STK39: variants seen among roughly 807,000 people sequenced by gnomAD.
STK39 encodes the protein serine/threonine kinase 39, also known as STE20/SPS1-related proline-alanine-rich protein kinase.
A neutral mutation model predicts 77.8 loss-of-function variants in STK39; 20 were observed. The observed-to-expected ratio is 0.26, with a 90% CI of 0.18 to 0.37. The LOEUF (loss-of-function observed/expected upper bound fraction) is 0.37. Among genes scored for constraint, STK39 ranks in the 10% least tolerant of loss-of-function variants. The pLI is 1.00. For missense variants in STK39, 479 were observed against 656.5 expected (o/e 0.73, Z 2.95); for synonymous variants, 246 against 234.1 (o/e 1.05, Z -0.47).
chr2:168,227,067 GAAGTA>G (rs1254801297), intron 1 of STK39, among the ~76,000 whole-genome samples: 8 of 152,056 alleles, frequency 5.3e-5, no homozygotes, highest in Non-Finnish European at 1.2e-4. Flanking sequence ...AAAATATACA[GAAGTA>G]AAATACCCAA....
At chr2:168,227,676 TATTTA>T (rs1348609079) in intron 1 of STK39, among the ~76,000 whole-genome samples, 1 of 152,148 alleles carries the variant, frequency 6.6e-6, no homozygotes, top group Non-Finnish European at 1.5e-5. Context: ...TTTTCTTTTT[TATTTA>T]TTTATTTTTT....
At chr2:168,050,591 G>A (rs1183801248) in intron 14 of STK39, among the ~76,000 whole-genome samples, 1 of 152,182 alleles carries the variant, frequency 6.6e-6, no homozygotes, top group Non-Finnish European at 1.5e-5. Context: ...GAGATGTTAA[G>A]CTGCTGGCTT....
chr2:168,090,058 G>A (rs564255459), intron 10 of STK39, among the ~76,000 whole-genome samples: 69 of 152,260 alleles, frequency 4.5e-4, no homozygotes, highest in African/African-American at 1.5e-3. Flanking sequence ...ATTCCTCTCC[G>A]AGGTAGCTGA....
chr2:167,999,750 C>T lies in STK39; in HGVS notation c.1498+12884G>A, dbSNP rs112403180. Among the ~76,000 whole-genome samples the T allele has an allele frequency of 8.7e-4, 132 of 152,354 alleles. 1 individual carries two copies. Among genetic ancestry groups the T allele is most frequent in the African/African-American group, 3.0e-3 (126 of 41,586 alleles). ...GTGCTGGGATTACAGGCATGAACCACTGCGCCCGGCCCGAGATGCTTGCTT... is the reference window on the plus strand; with the variant it reads ...GTGCTGGGATTACAGGCATGAACCATTGCGCCCGGCCCGAGATGCTTGCTT... On this transcript the variant is annotated intron_variant, in intron 16 of 17. Transcript: ENST00000355999.
chr2:168,086,253 C>G (rs145291699), intron 10 of STK39, among the ~76,000 whole-genome samples: 2,258 of 152,164 alleles, frequency 0.015, 50 homozygotes, highest in African/African-American at 0.052. Context: ...CAGACTCTAC[C>G]ACACACTTTA....
intron 1 of STK39, 57 bp downstream of exon 1, chr2:168,247,171 T>C (rs1268999614): frequency 2.0e-6 from 2 of 1,013,534 alleles, no homozygotes; most frequent in Non-Finnish European, 1.2e-6. Flanking sequence ...CCGCGCCCCC[T>C]CCCGCCCGGC....
At chr2:168,143,153 G>C (rs1688039655) in intron 5 of STK39, among the ~76,000 whole-genome samples, 1 of 152,114 alleles carries the variant, frequency 6.6e-6, no homozygotes, top group Non-Finnish European at 1.5e-5. Flanking sequence ...CTGCCTCCAG[G>C]AATAACTGGA....
chr2:168,119,281 TTG>T (rs1224391234), intron 10 of STK39, among the ~76,000 whole-genome samples: 1 of 152,134 alleles, frequency 6.6e-6, no homozygotes, highest in East Asian at 1.9e-4. Flanking sequence ...ACTGTTATTA[TTG>T]TACATGTTGA....
chr2:168,016,997 C>T, intron 15 of STK39, 46 bp downstream of exon 15: 1 of 1,457,726 alleles, frequency 6.9e-7, no homozygotes, highest in South Asian at 1.2e-5. Context: ...TCAATTTCTG[C>T]AATGCTCTTT....
chr2:168,217,897 T>C (rs1046679306), intron 1 of STK39, among the ~76,000 whole-genome samples: 6 of 152,094 alleles, frequency 3.9e-5, no homozygotes, highest in Admixed American at 6.6e-5. Flanking sequence ...CCTAGAAACA[T>C]AGTCTCCTAT....
At chr2:168,174,967 C>T (rs997278241) in intron 2 of STK39, among the ~76,000 whole-genome samples, 1 of 151,992 alleles carries the variant, frequency 6.6e-6, no homozygotes, top group African/African-American at 2.4e-5. Flanking sequence ...TTCACCACCA[C>T]ACAGTGACAA....
chr2:168,075,989 T>C (rs955711683), intron 10 of STK39, among the ~76,000 whole-genome samples: 3 of 152,102 alleles, frequency 2.0e-5, no homozygotes, highest in African/African-American at 7.2e-5. Context: ...CCAAATGTCT[T>C]TGTGGTTGGA....
At chr2:168,164,855 C>A (rs1009198671) in intron 3 of STK39, among the ~76,000 whole-genome samples, 1 of 152,150 alleles carries the variant, frequency 6.6e-6, no homozygotes, top group Admixed American at 6.5e-5. Flanking sequence ...ATTCCAAACC[C>A]CTGGGTCAGT....
At chr2:168,172,437 C>CTTGT (rs1198728476) in intron 2 of STK39, among the ~76,000 whole-genome samples, 1 of 152,140 alleles carries the variant, frequency 6.6e-6, no homozygotes, top group East Asian at 1.9e-4. Flanking sequence ...CTAATTTCAC[C>CTTGT]CTGTATTTAA....
chr2:168,245,179 T>G (rs534432159), intron 1 of STK39, among the ~76,000 whole-genome samples: 2 of 152,224 alleles, frequency 1.3e-5, no homozygotes, highest in Non-Finnish European at 2.9e-5. Context: ...AAGGCAACAG[T>G]GGAAATAATT....
intron 10 of STK39, among the ~76,000 whole-genome samples, chr2:168,110,852 A>G (rs990216669): frequency 1.3e-4 from 20 of 152,196 alleles, no homozygotes; most frequent in African/African-American, 4.6e-4. Context: ...GACTCTATCA[A>G]TCAATTTGGG....
chr2:167,963,002 T>C (rs1290243703), intron 17 of STK39, among the ~76,000 whole-genome samples: 1 of 152,166 alleles, frequency 6.6e-6, no homozygotes, highest in Non-Finnish European at 1.5e-5. Context: ...CATTAGCCTG[T>C]CCCGGGTGTG....
chr2:168,174,665 G>A (rs540003870), intron 2 of STK39, among the ~76,000 whole-genome samples: 87 of 151,762 alleles, frequency 5.7e-4, no homozygotes, highest in African/African-American at 1.7e-3. Context: ...ATTGTGACTG[G>A]GAATACTGAA....
chr2:167,992,164 A>G (rs1359786579), intron 16 of STK39, among the ~76,000 whole-genome samples: 2 of 152,188 alleles, frequency 1.3e-5, no homozygotes, highest in African/African-American at 4.8e-5. Flanking sequence ...AAGAGGGGAC[A>G]GAATTTTTGC....
Sources: gnomAD v4.1 joint callset for allele counts (sites outside exome capture counted in the v4.1 genomes callset) on GRCh38, gnomAD v4.1.1 for gene constraint, MANE v1.5 for transcripts, NCBI Gene and HGNC (gene_info 2026-07-23, HGNC 2026-07-21) for gene names.